The following TRPS1 variants were observed in gnomAD, a reference collection of about 807,000 sequenced individuals.
TRPS1 encodes the protein transcriptional repressor GATA binding 1.
Under a neutral mutation model 101.2 loss-of-function variants are expected in TRPS1, and 6 were observed. That is an observed-to-expected ratio of 0.06 (90% CI 0.03 to 0.12). The LOEUF is 0.12. Ranked by LOEUF, TRPS1 falls within the 10% of genes least tolerant of loss-of-function variation. The pLI is 1.00. For synonymous variants in TRPS1, 578 were observed against 589.8 expected, an observed-to-expected ratio of 0.98 and a Z score of 0.29; for missense variants, 1,363 against 1,567.0, an observed-to-expected ratio of 0.87 and a Z score of 2.20.
chr8:115,647,814 T>A (rs1210390095), intron 1 of TRPS1, among the ~76,000 whole-genome samples: 2 of 152,198 alleles, frequency 1.3e-5, no homozygotes, highest in Non-Finnish European at 2.9e-5. Flanking sequence ...TTTCAGATTG[T>A]CCTTCTTTGC....
At chr8:115,453,161 C>G (rs995371995) in intron 5 of TRPS1, among the ~76,000 whole-genome samples, 1 of 152,154 alleles carries the variant, frequency 6.6e-6, no homozygotes, top group East Asian at 1.9e-4. Context: ...GCTGGGATTA[C>G]AGATGCCCAC....
intron 5 of TRPS1, among the ~76,000 whole-genome samples, chr8:115,531,926 G>A (rs1318108631): frequency 1.4e-4 from 21 of 152,058 alleles, no homozygotes; most frequent in Non-Finnish European, 3.1e-4. Flanking sequence ...ATGGGAGGAT[G>A]TGGTCACAGA....
intron 5 of TRPS1, among the ~76,000 whole-genome samples, chr8:115,573,005 T>A (rs1393630028): frequency 6.6e-6 from 1 of 151,954 alleles, no homozygotes; most frequent in East Asian, 1.9e-4. Flanking sequence ...TGGTGGCGCA[T>A]CCCAGCTACT....
intron 5 of TRPS1, among the ~76,000 whole-genome samples, chr8:115,442,688 G>A (rs1813631962): frequency 2.0e-5 from 3 of 151,898 alleles, no homozygotes; most frequent in South Asian, 2.1e-4. Context: ...TTGACTGGGC[G>A]CAGGGGCTCA....
intron 5 of TRPS1, among the ~76,000 whole-genome samples, chr8:115,513,858 A>G (rs1170828890): frequency 1.3e-5 from 2 of 151,638 alleles, no homozygotes; most frequent in Non-Finnish European, 3.0e-5. Context: ...ATAGACATAT[A>G]TGTTTAAGTT....
At chr8:115,662,459 T>A (rs1480140578) in intron 1 of TRPS1, among the ~76,000 whole-genome samples, 1 of 152,064 alleles carries the variant, frequency 6.6e-6, no homozygotes, top group Non-Finnish European at 1.5e-5. Context: ...TACTTAGTTC[T>A]GAGCCACCGA....
intron 1 of TRPS1, among the ~76,000 whole-genome samples, chr8:115,645,143 A>G (rs908084976): frequency 7.2e-5 from 11 of 152,212 alleles, no homozygotes; most frequent in Non-Finnish European, 1.5e-4. Context: ...GTTGCCACAA[A>G]TCTTTATTTA....
intron 1 of TRPS1, among the ~76,000 whole-genome samples, chr8:115,648,564 C>G (rs979847513): frequency 6.6e-6 from 1 of 152,164 alleles, no homozygotes; most frequent in Non-Finnish European, 1.5e-5. Flanking sequence ...TCACTCTCAC[C>G]GTAGCTGCTC....
chr8:115,502,636 G>A (rs1815346134), intron 5 of TRPS1, among the ~76,000 whole-genome samples: 1 of 152,326 alleles, frequency 6.6e-6, no homozygotes, highest in South Asian at 2.1e-4. Flanking sequence ...CAAGCAGTAT[G>A]TGAATTGTGT....
At chr8:115,559,285 A>G (rs1816894688) in intron 5 of TRPS1, among the ~76,000 whole-genome samples, 1 of 152,116 alleles carries the variant, frequency 6.6e-6, no homozygotes. Context: ...ATTGATACAA[A>G]AGTGAGAGTA....
chr8:115,623,281 G>C (rs1426907338), intron 2 of TRPS1, among the ~76,000 whole-genome samples: 3 of 151,818 alleles, frequency 2.0e-5, no homozygotes, highest in African/African-American at 7.3e-5. Flanking sequence ...GTGGGGGCGG[G>C]GGCATGTTCT....
Position 115,631,237 on chromosome 8 carries a change from T to G in TRPS1, c.-121-7479A>C, listed in dbSNP as rs111433571. On this transcript the variant is annotated intron_variant, in intron 1 of 6. Transcript: ENST00000395715. ...AGGTACCTGCCACTTCACACAGAAT[T>G]ATGTGTTTATGTTTTAGGCTACCCC... Among the ~76,000 whole-genome samples the G allele has an allele frequency of 3.2e-3, 482 of 152,212 alleles. 3 individuals carry two copies. The highest frequency in any genetic ancestry group is 0.011 in the African/African-American group (458 of 41,552).
rs545232543 is a variant in TRPS1 at position 115,645,951 on chromosome 8, A to G, written c.-121-22193T>C. On this transcript the variant is annotated intron_variant, in intron 1 of 6. Coordinates refer to ENST00000395715, the MANE Select transcript of TRPS1 (RefSeq NM_014112.5). ...TAGCCTTTTGGGATAATATAATGCC[A>G]CTCTTTCTACAATAGCTGACGGCTA... 5.3e-5 allele frequency among the ~76,000 whole-genome samples: 8 copies of G among 152,234 alleles called. No homozygotes were observed. In the Middle Eastern group the frequency reaches 0.014, roughly 262 times the overall value.
intron 4 of TRPS1, among the ~76,000 whole-genome samples, 198 bp from the exon 5 acceptor site, chr8:115,587,802 T>G (rs569870690): frequency 6.6e-6 from 1 of 151,774 alleles, no homozygotes; most frequent in African/African-American, 2.4e-5. Flanking sequence ...CAAAGTGCCC[T>G]TGTTATATTA....
intron 5 of TRPS1, among the ~76,000 whole-genome samples, chr8:115,425,415 T>C (rs541570679): frequency 6.6e-6 from 1 of 152,298 alleles, no homozygotes; most frequent in South Asian, 2.1e-4. Context: ...TCAGCAATGA[T>C]AATGGAGACC....
chr8:115,454,946 G>A (rs1563742993), intron 5 of TRPS1, among the ~76,000 whole-genome samples: 2 of 152,158 alleles, frequency 1.3e-5, no homozygotes, highest in African/African-American at 4.8e-5. Context: ...CAGATACCAT[G>A]TGGATTTTGT....
intron 5 of TRPS1, among the ~76,000 whole-genome samples, chr8:115,477,041 C>A (rs570574736): frequency 6.6e-6 from 1 of 152,056 alleles, no homozygotes; most frequent in African/African-American, 2.4e-5. Flanking sequence ...GTTAATAACA[C>A]GAGGTTGGTT....
At chr8:115,517,474 G>A (rs887820805) in intron 5 of TRPS1, among the ~76,000 whole-genome samples, 2 of 151,566 alleles carry the variant, frequency 1.3e-5, no homozygotes, top group African/African-American at 4.8e-5. Flanking sequence ...GAGAGAGAGA[G>A]ACGATGGGAG....
chr8:115,433,118 T>C (rs533331821), intron 5 of TRPS1, among the ~76,000 whole-genome samples: 1 of 152,164 alleles, frequency 6.6e-6, no homozygotes, highest in South Asian at 2.1e-4. Flanking sequence ...AGTTTGTTAA[T>C]ATAAAGAGGT....
Sources: gnomAD v4.1 joint callset for allele counts (sites outside exome capture counted in the v4.1 genomes callset) on GRCh38, gnomAD v4.1.1 for gene constraint, MANE v1.5 for transcripts, NCBI Gene and HGNC (gene_info 2026-07-23, HGNC 2026-07-21) for gene names.